The following SINHCAF variants were observed in gnomAD, a reference collection of about 807,000 sequenced individuals.
The protein encoded by SINHCAF is SIN3-HDAC complex-associated factor.
SINHCAF carries 3 observed loss-of-function variants against 25.8 expected under a neutral mutation model. The observed-to-expected ratio is 0.12, with a 90% CI of 0.05 to 0.30. The LOEUF (loss-of-function observed/expected upper bound fraction) is 0.30. Ranked by LOEUF, SINHCAF falls within the 10% of genes least tolerant of loss-of-function variation. SINHCAF has a pLI of 1.00. For missense variants in SINHCAF, 121 were observed against 262.3 expected (o/e 0.46, Z 3.72); for synonymous variants, 70 against 85.5 (o/e 0.82, Z 1.00).
In SINHCAF at chr12:31,290,568, TA is replaced by T. The variant is rs537469110; in HGVS notation, c.356-2785del. On this transcript the variant is annotated intron_variant, in intron 4 of 5. Coordinates refer to ENST00000337682, the MANE Select transcript of SINHCAF (RefSeq NM_001135812.2). ...CAAAATCCTCAAGAGTAGCAGGTTTTAAAAAAATGAGTCTAGTGGGATGTTT... is the reference window on the plus strand; with the variant it reads ...CAAAATCCTCAAGAGTAGCAGGTTTTAAAAAATGAGTCTAGTGGGATGTTT... Among the ~76,000 whole-genome samples the T allele has an allele frequency of 3.9e-3, 600 of 152,300 alleles. 5 individuals are homozygous for T. The highest frequency in any genetic ancestry group is 0.014 in the African/African-American group (573 of 41,562).
At chr12:31,310,711 G>A (rs1939231489) in intron 1 of SINHCAF, among the ~76,000 whole-genome samples, 1 of 152,108 alleles carries the variant, frequency 6.6e-6, no homozygotes, top group African/African-American at 2.4e-5. Flanking sequence ...CACCCAAATT[G>A]TTTGGGAAAT....
intron 1 of SINHCAF, 24 bp from the exon 2 acceptor site, chr12:31,298,248 T>TA: frequency 6.2e-7 from 1 of 1,611,950 alleles, no homozygotes; most frequent in Non-Finnish European, 8.5e-7. Context: ...GGAATTGACA[T>TA]ATCTTTGTTG....
At chr12:31,319,104 A>G (rs1166707369) in intron 1 of SINHCAF, among the ~76,000 whole-genome samples, 2 of 152,260 alleles carry the variant, frequency 1.3e-5, no homozygotes, top group African/African-American at 4.8e-5. Flanking sequence ...ATACTCCTCT[A>G]TGAAGCTGTT....
Position 31,310,887 on chromosome 12 carries a change from T to C in SINHCAF, c.-20-12663A>G, listed in dbSNP as rs78157615. Among the ~76,000 whole-genome samples the C allele has an allele frequency of 1.7e-4, 26 of 151,218 alleles. 1 individual carries two copies. The highest frequency in any genetic ancestry group is 5.6e-4 in the African/African-American group (23 of 40,946). ...TCTACGATCTTTTTTTTTTTTTTTT[T>C]CCTGAGAGAGTCTCACTCTGTCGCC... is the stretch of plus-strand genomic sequence containing the variant. On this transcript the variant is annotated intron_variant, in intron 1 of 5. Coordinates refer to ENST00000337682, the MANE Select transcript of SINHCAF (RefSeq NM_001135812.2).
Position 31,326,149 on chromosome 12 carries a change from C to T in SINHCAF, c.-146G>A, listed in dbSNP as rs1274846963. 2 of 152,292 alleles carry T rather than the reference C, an allele frequency of 1.3e-5. No homozygotes were observed. Among genetic ancestry groups the T allele is most frequent in the Non-Finnish European group, 2.9e-5 (2 of 68,082 alleles). The allele number at this position is 152,292 out of a possible 1,614,324, so 9.4% of individuals were successfully genotyped here. A position where few individuals can be genotyped will look rare whatever the true frequency, so the allele number is the denominator to read the frequency against. On this transcript the variant is annotated 5_prime_UTR_variant, in exon 1 of 6. Transcript: ENST00000337682. ...TCTAGAAAGATAGTCTCCTGCAGTTCTGCAGTTGCTACCGCTGGCCGGGAA... is the reference window on the plus strand; with the variant it reads ...TCTAGAAAGATAGTCTCCTGCAGTTTTGCAGTTGCTACCGCTGGCCGGGAA...
intron 1 of SINHCAF, among the ~76,000 whole-genome samples, chr12:31,323,528 A>G (rs1048544833): frequency 5.0e-4 from 76 of 152,226 alleles, no homozygotes; most frequent in African/African-American, 1.6e-3. Flanking sequence ...TTAACTCAAG[A>G]GTAAATCCTA....
chr12:31,293,655 A>G, intron 4 of SINHCAF, 150 bp downstream of exon 4: 1 of 611,356 alleles, frequency 1.6e-6, no homozygotes, highest in Non-Finnish European at 2.7e-6. Flanking sequence ...TCACAGAAAT[A>G]AGATAACATC....
chr12:31,323,623 A>C (rs1939801160), intron 1 of SINHCAF, among the ~76,000 whole-genome samples: 1 of 152,126 alleles, frequency 6.6e-6, no homozygotes, highest in Non-Finnish European at 1.5e-5. Context: ...TACCAGAACA[A>C]ACTGCACCGC....
intron 1 of SINHCAF, chr12:31,312,044 T>C: frequency 1.7e-6 from 1 of 576,522 alleles, no homozygotes; most frequent in Non-Finnish European, 3.3e-6. Flanking sequence ...AGAAAGAGGA[T>C]GGTACCAGCA....
chr12:31,323,398 T>C (rs1193753586), intron 1 of SINHCAF, among the ~76,000 whole-genome samples: 2 of 152,092 alleles, frequency 1.3e-5, no homozygotes, highest in Non-Finnish European at 2.9e-5. Flanking sequence ...AATAACAAGG[T>C]CAAATTCATT....
chr12:31,297,029 T>C, intron 2 of SINHCAF: 1 of 440,056 alleles, frequency 2.3e-6, no homozygotes, highest in Non-Finnish European at 4.6e-6. Context: ...CTAGGCAACA[T>C]AGGAAGACAT....
At chr12:31,318,650 C>T (rs1457713856) in intron 1 of SINHCAF, among the ~76,000 whole-genome samples, 14 of 79,706 alleles carry the variant, frequency 1.8e-4, no homozygotes, top group African/African-American at 6.9e-4. Context: ...TTTGGTAGAG[C>T]GAAAAAAAAA....
chr12:31,313,751 C>G (rs539703919), intron 1 of SINHCAF, among the ~76,000 whole-genome samples: 1 of 152,072 alleles, frequency 6.6e-6, no homozygotes, highest in South Asian at 2.1e-4. Context: ...TGGGTTCAAG[C>G]GATTCTCCTG....
At position 31,304,358 on chromosome 12, in the gene SINHCAF, C is replaced by A. The variant is rs189188054; in HGVS notation, c.-20-6134G>T. The stretch of plus-strand genomic sequence containing the variant: ...TAAGCATGATATATAACAAATGAGA[C>A]GTGCTGGCACAATCTGCTTTGCTTT... On this transcript the variant is annotated intron_variant, in intron 1 of 5. Transcript: ENST00000337682. The A allele has an allele frequency of 3.3e-5, 5 of 152,314 alleles. No homozygotes were observed. The South Asian group carries it at 1.0e-3, about 32-fold the overall frequency. 9.4% of individuals were successfully genotyped at this position (152,314 alleles called of 1,614,324 possible).
chr12:31,323,063 C>T (rs1379496214), intron 1 of SINHCAF, among the ~76,000 whole-genome samples: 1 of 152,160 alleles, frequency 6.6e-6, no homozygotes, highest in African/African-American at 2.4e-5. Context: ...GCTTCCTCCC[C>T]AGCCAGCTCC....
intron 1 of SINHCAF, among the ~76,000 whole-genome samples, chr12:31,321,820 T>A (rs1328968000): frequency 2.6e-5 from 4 of 152,228 alleles, no homozygotes; most frequent in Admixed American, 6.5e-5. Flanking sequence ...GATTAATTTA[T>A]CCTCATAAGA....
At chr12:31,290,383 G>A (rs1938260205) in intron 4 of SINHCAF, among the ~76,000 whole-genome samples, 2 of 152,082 alleles carry the variant, frequency 1.3e-5, no homozygotes, top group Non-Finnish European at 2.9e-5. Context: ...CTCCCAAAGT[G>A]CTGGGATTAC....
chr12:31,290,170 AAC>A lies in SINHCAF; in HGVS notation c.356-2388_356-2387del, dbSNP rs200849002. Among the ~76,000 whole-genome samples, 1,361 of 144,792 alleles carry A rather than the reference AAC, an allele frequency of 9.4e-3. 10 individuals carry two copies. Among genetic ancestry groups the A allele is most frequent in the East Asian group, 0.039 (189 of 4,814 alleles). 95.0% of individuals were successfully genotyped at this position (144,792 alleles called of 152,430 possible). A position where few individuals can be genotyped will look rare whatever the true frequency, so the allele number is the denominator to read the frequency against. ...TTTGTTTGTTTGTTTGTTTGTTTAA[AAC>A]AGAGTCTCACTCTGTCGCCCAGGCT... On this transcript the variant is annotated intron_variant, in intron 4 of 5. Transcript: ENST00000337682.
intron 1 of SINHCAF, among the ~76,000 whole-genome samples, chr12:31,315,103 C>A (rs898301287): frequency 3.3e-5 from 5 of 152,206 alleles, no homozygotes; most frequent in Non-Finnish European, 5.9e-5. Context: ...TAGCTTATTA[C>A]CTGTGCTCTG....
Sources: allele counts gnomAD v4.1 joint callset (sites outside exome capture counted in the v4.1 genomes callset), GRCh38; gene constraint gnomAD v4.1.1; transcripts MANE v1.5; gene names NCBI Gene and HGNC (gene_info 2026-07-23, HGNC 2026-07-21).